Variants in FBLN2 observed in about 807,000 individuals in gnomAD.
FBLN2 encodes fibulin 2.
Under a neutral mutation model 123.7 loss-of-function variants are expected in FBLN2, and 81 were observed. The ratio of observed to expected loss-of-function variants is 0.65; its 90% confidence interval spans 0.55 to 0.79. The LOEUF is 0.79. Among genes scored for constraint, FBLN2 ranks in the 30% least tolerant of loss-of-function variants. The pLI is 0.00. For synonymous variants in FBLN2, 699 were observed against 701.4 expected (o/e 1.00, Z 0.05); for missense variants, 1,603 against 1,681.3 (o/e 0.95, Z 0.81).
chr3:13,585,821 C>T (rs187684607), intron 2 of FBLN2, among the ~76,000 whole-genome samples: 13 of 152,268 alleles, frequency 8.5e-5, no homozygotes, highest in African/African-American at 2.6e-4. Context: ...AAACAAAAAG[C>T]CTAGCACGTG....
chr3:13,603,523 G>C (rs942802941), intron 2 of FBLN2, among the ~76,000 whole-genome samples: 1 of 151,988 alleles, frequency 6.6e-6, no homozygotes, highest in Non-Finnish European at 1.5e-5. Context: ...TGCTCAGAAT[G>C]ATGGTTTCCA....
At position 13,630,694 on chromosome 3, in the gene FBLN2, T is replaced by C; in HGVS notation, c.2969-5T>C. 1 of 1,593,420 alleles carries C rather than the reference T, an allele frequency of 6.3e-7. No homozygotes were observed. Among genetic ancestry groups the C allele is most frequent in the Non-Finnish European group, 8.6e-7 (1 of 1,168,758 alleles). On this transcript the variant is annotated splice_region_variant and splice_polypyrimidine_tract_variant and intron_variant, in intron 14 of 17. Coordinates refer to ENST00000404922, the MANE Select transcript of FBLN2 (RefSeq NM_001004019.2). ...TGCCATGACTGCCTGCTGGTGTCCC[T>C]GCAGACGTGAATGAGTGTGAGGCCC...
chr3:13,568,947 C>T (rs1343899399), intron 1 of FBLN2: 1 of 985,494 alleles, frequency 1.0e-6, no homozygotes, highest in African/African-American at 1.7e-5. Flanking sequence ...ATGGGGCAGG[C>T]TTGGGGACCA....
chr3:13,631,414 T>C lies in FBLN2; in HGVS notation c.3171T>C (p.Pro1057=). The C allele has an allele frequency of 6.2e-7, 1 of 1,600,672 alleles. No homozygotes were observed. The highest frequency in any genetic ancestry group is 1.1e-5 in the South Asian group (1 of 88,462). Residue 1057 remains proline (P), a synonymous_variant, in exon 16 of 18, where the codon CCT becomes CCC. Coordinates refer to ENST00000404922, the MANE Select transcript of FBLN2 (RefSeq NM_001004019.2). ...CAGGGAGCTACCAGTGTGCATGCCC[T>C]GAGCAGGGCTACACCATGACGGCCA... ...NVPGSYQCAC[P]EQGYTMTANG... is the part of the protein sequence containing the mutation.
At chr3:13,612,300 T>TTTCTTTCC (rs1453210602) in intron 4 of FBLN2, among the ~76,000 whole-genome samples, 11 of 65,826 alleles carry the variant, frequency 1.7e-4, no homozygotes, top group African/African-American at 4.0e-5. Context: ...TTTTCCTTTC[T>TTTCTTTCC]TTCTTTCTTT....
At position 13,621,814 on chromosome 3, in the gene FBLN2, G is replaced by A. The variant is rs766653959; in HGVS notation, c.2195G>A (p.Arg732Gln). The A allele has an allele frequency of 9.9e-6, 16 of 1,613,884 alleles. No individual in the cohort carries two copies. Among genetic ancestry groups the A allele is most frequent in the South Asian group, 7.7e-5 (7 of 91,090 alleles). ...ECLMGAHDCS[R>Q]RQFCVNTLGS... ...CTGATGGGTGCTCACGATTGTAGCCGGCGACAGTTCTGTGTGAACACCCTG... is the reference window on the plus strand; with the variant it reads ...CTGATGGGTGCTCACGATTGTAGCCAGCGACAGTTCTGTGTGAACACCCTG... Residue 732 changes from arginine to glutamine, a missense_variant, in exon 9 of 18, where the codon CGG (arginine) becomes CAG (glutamine). Coordinates refer to ENST00000404922, the MANE Select transcript of FBLN2 (RefSeq NM_001004019.2).
intron 11 of FBLN2, 97 bp from the exon 12 acceptor site, chr3:13,628,808 G>A (rs1706139355): frequency 4.2e-6 from 6 of 1,435,098 alleles, no homozygotes; most frequent in African/African-American, 1.4e-5. Context: ...CAGGTCTGGA[G>A]CCCAGGACCG....
rs935898350 is a variant in FBLN2 at position 13,628,987 on chromosome 3, G to A, written c.2652G>A (p.Gln884=). 1.2e-6 allele frequency: 2 copies of A among 1,613,454 alleles called. No individual in the cohort carries two copies. The highest frequency in any genetic ancestry group is 1.7e-6 in the Non-Finnish European group (2 of 1,179,796). The change falls in exon 12 of 18, where the codon CAG becomes CAA. Residue 884 remains glutamine, a synonymous_variant. Coordinates refer to ENST00000404922, the MANE Select transcript of FBLN2 (RefSeq NM_001004019.2). ...ACACGGTGGGCTCCTACACATGCCA[G>A]AGGAACCCGCTGATCTGCGCGCGCG... is the stretch of plus-strand genomic sequence containing the variant. The part of the protein sequence containing the change: ...CINTVGSYTC[Q]RNPLICARGY...
intron 2 of FBLN2, among the ~76,000 whole-genome samples, chr3:13,582,319 G>C (rs559510774): frequency 5.3e-5 from 8 of 152,292 alleles, no homozygotes; most frequent in African/African-American, 1.9e-4. Flanking sequence ...CCAGAATCCT[G>C]GGGGCCTCAG....
Position 13,635,545 on chromosome 3 carries a change from C to T in FBLN2, c.3215-900C>T, listed in dbSNP as rs77753882. Among the ~76,000 whole-genome samples, 1,773 of 152,308 alleles carry T rather than the reference C, an allele frequency of 0.012. 115 individuals are homozygous for T. In the East Asian group the frequency reaches 0.19, roughly 16 times the overall value. ...GTTTCTGTGCACCTGTGGAGGTGTGCGTGTGCTCACGTGTGTGCTGAACCT... is the reference window on the plus strand; with the variant it reads ...GTTTCTGTGCACCTGTGGAGGTGTGTGTGTGCTCACGTGTGTGCTGAACCT... On this transcript the variant is annotated intron_variant, in intron 16 of 17. Transcript: ENST00000404922.
chr3:13,610,367 G>A (rs988346574), intron 4 of FBLN2, among the ~76,000 whole-genome samples: 2 of 152,160 alleles, frequency 1.3e-5, no homozygotes, highest in Non-Finnish European at 1.5e-5. Flanking sequence ...CAGTTGTGGG[G>A]ACCGGTTATT....
intron 2 of FBLN2, among the ~76,000 whole-genome samples, chr3:13,576,797 C>T (rs900506089): frequency 6.6e-6 from 1 of 151,798 alleles, no homozygotes; most frequent in Admixed American, 6.6e-5. Flanking sequence ...TGCTAGAGGC[C>T]CTTGGGCTCT....
At chr3:13,587,367 T>G (rs1476193807) in intron 2 of FBLN2, among the ~76,000 whole-genome samples, 1 of 152,090 alleles carries the variant, frequency 6.6e-6, no homozygotes, top group African/African-American at 2.4e-5. Flanking sequence ...TTAAACTAAA[T>G]TTAGTGTAGC....
intron 9 of FBLN2, among the ~76,000 whole-genome samples, chr3:13,623,231 G>A (rs1705916036): frequency 6.6e-6 from 1 of 152,190 alleles, no homozygotes; most frequent in South Asian, 2.1e-4. Context: ...TGTACGTCTG[G>A]GAAGGCGGAT....
intron 4 of FBLN2, among the ~76,000 whole-genome samples, chr3:13,612,318 T>TCTTTCTTTCTTTCTTTCTTG (rs1705425139): frequency 6.8e-6 from 1 of 146,830 alleles, no homozygotes; most frequent in African/African-American, 2.6e-5. Context: ...TTTCTTTCTT[T>TCTTTCTTTCTTTCTTTCTTG]CTTTCTTTCT....
chr3:13,634,344 G>A (rs1029698243), intron 16 of FBLN2, among the ~76,000 whole-genome samples: 4 of 152,248 alleles, frequency 2.6e-5, no homozygotes, highest in Admixed American at 2.6e-4. Flanking sequence ...AGCGCCGATG[G>A]GCGAGGCCCT....
Position 13,626,476 on chromosome 3 carries a change from G to T in FBLN2, c.2328G>T (p.Thr776=). The part of the protein sequence containing the change: ...DINECVTDLH[T]CSRGEHCVNT... ...ACGAGTGTGTGACGGACCTGCACAC[G>T]TGCAGCCGGGGCGAGCACTGTGTGA... The change falls in exon 10 of 18, where the codon ACG becomes ACT. Residue 776 remains threonine, a synonymous_variant. Coordinates refer to ENST00000404922, the MANE Select transcript of FBLN2 (RefSeq NM_001004019.2). The T allele has an allele frequency of 6.3e-7, 1 of 1,581,358 alleles. No homozygotes were observed. The highest frequency in any genetic ancestry group is 8.6e-7 in the Non-Finnish European group (1 of 1,163,448).
At chr3:13,607,328 T>C (rs1459898259) in intron 2 of FBLN2, among the ~76,000 whole-genome samples, 1 of 152,174 alleles carries the variant, frequency 6.6e-6, no homozygotes, top group Non-Finnish European at 1.5e-5. Context: ...AAAAAAATGT[T>C]ATTAAGAAAA....
chr3:13,555,006 G>A (rs1292715015), intron 1 of FBLN2, among the ~76,000 whole-genome samples: 2 of 149,010 alleles, frequency 1.3e-5, no homozygotes, highest in Non-Finnish European at 3.0e-5. Flanking sequence ...AGGCTGGAGT[G>A]CAGTGGTGCG....
Sources: allele counts gnomAD v4.1 joint callset (sites outside exome capture counted in the v4.1 genomes callset), GRCh38; gene constraint gnomAD v4.1.1; transcripts MANE v1.5; gene names NCBI Gene and HGNC (gene_info 2026-07-23, HGNC 2026-07-21).